The following CTNS variants were observed in gnomAD, a reference collection of about 807,000 sequenced individuals.
CTNS encodes the protein cystinosin, lysosomal cystine transporter.
A neutral mutation model predicts 43.7 loss-of-function variants in CTNS; 27 were observed. The observed-to-expected ratio is 0.62, with a 90% CI of 0.46 to 0.85. CTNS has a LOEUF of 0.85. CTNS is among the 40% of genes least tolerant of loss of function. CTNS has a pLI of 0.00. For synonymous variants in CTNS, 187 were observed against 190.6 expected (o/e 0.98, Z 0.16); for missense variants, 457 against 475.4 (o/e 0.96, Z 0.36).
At chr17:3,652,121 C>G (rs540037833) in intron 5 of CTNS, among the ~76,000 whole-genome samples, 1 of 152,288 alleles carries the variant, frequency 6.6e-6, no homozygotes, top group Admixed American at 6.5e-5. Flanking sequence ...CTCTACTACC[C>G]GTGATGCTGG....
At chr17:3,641,358 A>G (rs1471288363) in intron 3 of CTNS, among the ~76,000 whole-genome samples, 3 of 15,854 alleles carry the variant, frequency 1.9e-4, no homozygotes, top group South Asian at 1.7e-3. Context: ...AAAATCAGAT[A>G]CATATATATA....
intron 9 of CTNS, chr17:3,657,519 CGA>C (rs1376261680): frequency 4.5e-6 from 1 of 223,566 alleles, no homozygotes; most frequent in Non-Finnish European, 9.0e-6. Context: ...TGGTGTGAAG[CGA>C]GAGTGAAGGT....
chr17:3,659,941 C>T lies in CTNS; in HGVS notation c.936C>T (p.Ser312=), dbSNP rs1296104613. Residue 312 remains serine (S), a synonymous_variant, in exon 11 of 12, where the codon AGC becomes AGT. Transcript: ENST00000046640. Reference sequence around the variant, plus strand: ...TGGACTTCACCGGGGGCAGCTTCAGCCTCCTGCAGATGTTCCTCCAGTCCT... The same window carrying T: ...TGGACTTCACCGGGGGCAGCTTCAGTCTCCTGCAGATGTTCCTCCAGTCCT... ...VLLDFTGGSF[S]LLQMFLQSYN... The T allele has an allele frequency of 1.1e-5, 18 of 1,613,706 alleles. No homozygotes were observed. The highest frequency in any genetic ancestry group is 3.3e-5 in the Admixed American group (2 of 60,014).
At chr17:3,649,433 CAG>C (rs1406811648) in intron 5 of CTNS, among the ~76,000 whole-genome samples, 3 of 144,884 alleles carry the variant, frequency 2.1e-5, no homozygotes, top group Non-Finnish European at 4.5e-5. Context: ...GCCTGGGTGA[CAG>C]AGTGAGACTC....
At chr17:3,654,356 G>A (rs2150917623) in intron 5 of CTNS, among the ~76,000 whole-genome samples, 1 of 152,298 alleles carries the variant, frequency 6.6e-6, no homozygotes, top group Non-Finnish European at 1.5e-5. Flanking sequence ...AGGGCATGAG[G>A]ACAAGTCCAT....
intron 10 of CTNS, among the ~76,000 whole-genome samples, chr17:3,659,249 G>A (rs1201590233): frequency 6.6e-6 from 1 of 152,180 alleles, no homozygotes; most frequent in African/African-American, 2.4e-5. Context: ...CAGCATGGGA[G>A]GACGTGGGGC....
At chr17:3,657,814 G>T in intron 9 of CTNS, 191 bp from the exon 10 acceptor site, 1 of 634,908 alleles carries the variant, frequency 1.6e-6, no homozygotes, top group Non-Finnish European at 2.8e-6. Context: ...CAGCCCAGGT[G>T]TGATGCTTTC....
intron 10 of CTNS, among the ~76,000 whole-genome samples, 176 bp downstream of exon 10, chr17:3,658,351 C>G (rs773598889): frequency 6.6e-6 from 1 of 152,140 alleles, no homozygotes; most frequent in Non-Finnish European, 1.5e-5. Context: ...GCCGCTCTTC[C>G]CCCGGGGCTG....
At chr17:3,653,248 C>T (rs775506808) in intron 5 of CTNS, among the ~76,000 whole-genome samples, 4 of 151,872 alleles carry the variant, frequency 2.6e-5, no homozygotes, top group Non-Finnish European at 4.4e-5. Flanking sequence ...CCCATCTCTA[C>T]GAAAAATACA....
intron 10 of CTNS, among the ~76,000 whole-genome samples, chr17:3,658,972 G>A (rs904943634): frequency 2.0e-5 from 3 of 152,206 alleles, no homozygotes; most frequent in African/African-American, 7.2e-5. Flanking sequence ...CGGGAGCTGG[G>A]GGGGGCTTCC....
intron 2 of CTNS, among the ~76,000 whole-genome samples, chr17:3,637,956 A>G (rs544595907): frequency 2.0e-5 from 3 of 152,294 alleles, no homozygotes; most frequent in Non-Finnish European, 4.4e-5. Context: ...CAGGAGACCC[A>G]GGGAGTTCCA....
intron 2 of CTNS, among the ~76,000 whole-genome samples, chr17:3,639,697 A>T (rs540026489): frequency 3.0e-4 from 38 of 125,834 alleles, no homozygotes; most frequent in East Asian, 9.7e-4. Flanking sequence ...TATGTATATT[A>T]AAAAAAAATG....
chr17:3,660,536 C>G lies in CTNS; in HGVS notation c.*167C>G, dbSNP rs954472477. The G allele has an allele frequency of 1.2e-5, 20 of 1,612,514 alleles. No homozygotes were observed. Among genetic ancestry groups the G allele is most frequent in the Admixed American group, 8.3e-5 (5 of 60,006 alleles). ...GGGCCAGAGGCCATTCAATAGCCTG[C>G]CTTCGTCCGGGCCCCTCCTGGGCCT... is the stretch of plus-strand genomic sequence containing the variant. On this transcript the variant is annotated 3_prime_UTR_variant, in exon 12 of 12. Coordinates refer to ENST00000046640, the MANE Select transcript of CTNS (RefSeq NM_004937.3).
At chr17:3,656,654 G>GCTTCTCCCACCCAC (rs1231979549) in intron 8 of CTNS, 22 bp from the exon 9 acceptor site, 20 of 1,612,814 alleles carry the variant, frequency 1.2e-5, no homozygotes, top group Non-Finnish European at 1.6e-5. Context: ...TCACCACCCA[G>GCTTCTCCCACCCAC]CTTCTCCCAC....
chr17:3,656,961 C>T (rs1380670260), intron 9 of CTNS, 166 bp downstream of exon 9: 8 of 1,099,996 alleles, frequency 7.3e-6, no homozygotes, highest in East Asian at 5.3e-5. Flanking sequence ...GCCCTCAGAG[C>T]CCCCCAAGTC....
At position 3,660,547 on chromosome 17, in the gene CTNS, GC is replaced by G; in HGVS notation, c.*182del. On this transcript the variant is annotated 3_prime_UTR_variant, in exon 12 of 12. Coordinates refer to ENST00000046640, the MANE Select transcript of CTNS (RefSeq NM_004937.3). ...CATTCAATAGCCTGCCTTCGTCCGG[GC>G]CCCTCCTGGGCCTCCCCGGCCAGGC... The G allele has an allele frequency of 1.9e-6, 3 of 1,612,758 alleles. No individual in the cohort carries two copies. In the South Asian group the frequency reaches 3.3e-5, roughly 18 times the overall value.
intron 9 of CTNS, chr17:3,657,540 T>C (rs906919251): frequency 8.3e-5 from 20 of 239,838 alleles, no homozygotes; most frequent in Non-Finnish European, 2.5e-5. Flanking sequence ...GTGGCCCACA[T>C]TGGGCCCGTG....
rs550960394 is a variant in CTNS at position 3,648,950 on chromosome 17, C to T, written c.225+19C>T. 44 of 1,572,286 alleles carry T rather than the reference C, an allele frequency of 2.8e-5. No homozygotes were observed. The South Asian group carries it at 3.5e-4, about 13-fold the overall frequency. ...CGATGAAGTAAGTAACCAATCTTAACGGATGGGTAGGGAAATGCTAGGTAA... is the reference window on the plus strand; with the variant it reads ...CGATGAAGTAAGTAACCAATCTTAATGGATGGGTAGGGAAATGCTAGGTAA... On this transcript the variant is annotated intron_variant, in intron 5 of 11. Coordinates refer to ENST00000046640, the MANE Select transcript of CTNS (RefSeq NM_004937.3).
chr17:3,642,123 G>A (rs980584525), intron 3 of CTNS, among the ~76,000 whole-genome samples: 6 of 131,282 alleles, frequency 4.6e-5, no homozygotes, highest in East Asian at 2.1e-4. Context: ...GTGTCTGCGT[G>A]CATGTATGTG....
Sources: gnomAD v4.1 joint callset for allele counts (sites outside exome capture counted in the v4.1 genomes callset) on GRCh38, gnomAD v4.1.1 for gene constraint, MANE v1.5 for transcripts, NCBI Gene and HGNC (gene_info 2026-07-23, HGNC 2026-07-21) for gene names.